PRSS23: variants seen among roughly 807,000 people sequenced by gnomAD.
PRSS23 encodes protease, serine 23.
A neutral mutation model predicts 34.7 loss-of-function variants in PRSS23; 25 were observed. That is an observed-to-expected ratio of 0.72 (90% confidence interval 0.53 to 1.01). The LOEUF is 1.01. Ranked by LOEUF, PRSS23 falls within the 50% of genes least tolerant of loss-of-function variation. The pLI, the probability that PRSS23 is intolerant of heterozygous loss-of-function variation, is 0.00. For synonymous variants in PRSS23, 176 were observed against 186.6 expected, an observed-to-expected ratio of 0.94 and a Z score of 0.46; for missense variants, 445 against 475.6, an observed-to-expected ratio of 0.94 and a Z score of 0.60.
Position 86,792,791 on chromosome 11 carries a change from C to CA in PRSS23, c.-14+1605dup, listed in dbSNP as rs368242812. Among the ~76,000 whole-genome samples, 546 of 149,602 alleles carry CA rather than the reference C, an allele frequency of 3.6e-3. 4 individuals carry two copies. Among genetic ancestry groups the CA allele is most frequent in the Middle Eastern group, 0.024 (7 of 290 alleles). ...TCAGATATGAACAAAGACAGCAAGG[C>CA]AAAAAAAAAGCACAGAGCACATCTT... On this transcript the variant is annotated intron_variant, in intron 1 of 1. Transcript: ENST00000527521.
intron 1 of PRSS23, chr11:86,821,455 A>G (rs368941535): frequency 6.3e-7 from 1 of 1,590,860 alleles, no homozygotes. Context: ...TGTGTCTGGT[A>G]TAGGCTATAG....
chr11:86,896,747 A>G (rs1436969124), intron 2 of PRSS23, among the ~76,000 whole-genome samples: 1 of 152,248 alleles, frequency 6.6e-6, no homozygotes, highest in Non-Finnish European at 1.5e-5. Context: ...CTTGGATCAA[A>G]TTCATCTTCC....
chr11:86,850,315 A>T (rs1565365620), intron 2 of PRSS23, among the ~76,000 whole-genome samples: 1 of 152,150 alleles, frequency 6.6e-6, no homozygotes, highest in Non-Finnish European at 1.5e-5. Flanking sequence ...GGAGGACACC[A>T]CAACTGCAGG....
chr11:86,820,409 G>A (rs1449617855), intron 1 of PRSS23, among the ~76,000 whole-genome samples: 1 of 152,136 alleles, frequency 6.6e-6, no homozygotes, highest in East Asian at 1.9e-4. Flanking sequence ...AGTAGTTTGA[G>A]GATAAGGTTA....
intron 2 of PRSS23, among the ~76,000 whole-genome samples, chr11:86,914,713 G>A (rs921519874): frequency 2.0e-5 from 3 of 152,130 alleles, no homozygotes; most frequent in Admixed American, 2.0e-4. Context: ...TGTAATCATT[G>A]CACATATAAA....
chr11:86,936,186 T>C (rs1949160893), intron 2 of PRSS23: 1 of 152,250 alleles, frequency 6.6e-6, no homozygotes, highest in Admixed American at 6.5e-5. Flanking sequence ...CTGGCAGGAC[T>C]TGGGGGCTCT....
chr11:86,925,271 A>G (rs1269594973), intron 2 of PRSS23, among the ~76,000 whole-genome samples: 1 of 151,006 alleles, frequency 6.6e-6, no homozygotes, highest in African/African-American at 2.4e-5. Context: ...TGAAAACTGC[A>G]TTGAAAATTA....
chr11:86,890,070 C>T (rs1235649999), intron 2 of PRSS23, among the ~76,000 whole-genome samples: 3 of 151,892 alleles, frequency 2.0e-5, no homozygotes, highest in Non-Finnish European at 4.4e-5. Context: ...GAGTTCGAGA[C>T]CAGCCTGGCC....
intron 1 of PRSS23, among the ~76,000 whole-genome samples, chr11:86,801,030 A>G (rs983792420): frequency 1.3e-5 from 2 of 151,954 alleles, no homozygotes; most frequent in Non-Finnish European, 2.9e-5. Context: ...CACCACCACT[A>G]CTTCTTTTCC....
chr11:86,887,080 A>T (rs1052022830), intron 2 of PRSS23, among the ~76,000 whole-genome samples: 6 of 152,256 alleles, frequency 3.9e-5, no homozygotes, highest in Admixed American at 3.9e-4. Flanking sequence ...AAGAAATTGG[A>T]CTTTAAGGAG....
intron 2 of PRSS23, among the ~76,000 whole-genome samples, chr11:86,932,008 T>C (rs769344166): frequency 6.6e-5 from 10 of 152,282 alleles, no homozygotes; most frequent in Admixed American, 4.6e-4. Flanking sequence ...CTGTGAATCT[T>C]TGTGCAAAAG....
In PRSS23 at chr11:86,808,429, G is replaced by A; in HGVS notation, c.786G>A (p.Lys262=). The A allele has an allele frequency of 6.2e-7, 1 of 1,614,224 alleles. No homozygotes were observed. The highest frequency in any genetic ancestry group is 8.5e-7 in the Non-Finnish European group (1 of 1,180,046). ...AGCCCCACAAGAGAAAATTTATGAAGATTGGGGTGAGCCCTCCTGCTAAGC... is the reference window on the plus strand; with the variant it reads ...AGCCCCACAAGAGAAAATTTATGAAAATTGGGGTGAGCCCTCCTGCTAAGC... ...LKKPHKRKFM[K]IGVSPPAKQL... The change falls in exon 2 of 2, where the codon AAG becomes AAA. Residue 262 remains lysine, a synonymous_variant. Transcript: ENST00000280258.
intron 2 of PRSS23, among the ~76,000 whole-genome samples, chr11:86,877,758 G>A (rs1192110697): frequency 6.6e-6 from 1 of 151,578 alleles, no homozygotes; most frequent in Non-Finnish European, 1.5e-5. Flanking sequence ...AAATCAGGAA[G>A]TGTGAACTCT....
At chr11:86,870,339 T>C (rs1590904252) in intron 2 of PRSS23, among the ~76,000 whole-genome samples, 1 of 152,254 alleles carries the variant, frequency 6.6e-6, no homozygotes, top group East Asian at 1.9e-4. Context: ...TCGTATTTAT[T>C]GGATGGTTGG....
intron 1 of PRSS23, chr11:86,823,287 G>C (rs1948267404): frequency 1.5e-6 from 1 of 666,392 alleles, no homozygotes; most frequent in Non-Finnish European, 2.7e-6. Context: ...CAGATGAAGA[G>C]ACTGACGGTC....
At chr11:86,864,187 C>G (rs12577237) in intron 2 of PRSS23, among the ~76,000 whole-genome samples, 18,298 of 152,098 alleles carry the variant, frequency 0.12, 1,228 homozygotes, top group East Asian at 0.16. Flanking sequence ...ATTACACACA[C>G]TGTATAGCCC....
intron 2 of PRSS23, among the ~76,000 whole-genome samples, chr11:86,840,991 G>T (rs1188911437): frequency 2.6e-5 from 4 of 152,174 alleles, no homozygotes; most frequent in African/African-American, 9.6e-5. Context: ...AGCACTAAAT[G>T]CCCACAAGAG....
At chr11:86,822,598 G>A (rs914507231) in intron 1 of PRSS23, among the ~76,000 whole-genome samples, 1 of 150,084 alleles carries the variant, frequency 6.7e-6, no homozygotes, top group Non-Finnish European at 1.5e-5. Flanking sequence ...TTCAGCCTGG[G>A]CGACAAGAGT....
At chr11:86,894,577 T>G (rs113937855) in intron 2 of PRSS23, among the ~76,000 whole-genome samples, 12 of 152,264 alleles carry the variant, frequency 7.9e-5, no homozygotes, top group African/African-American at 2.9e-4. Context: ...CCTTCCATCT[T>G]ATTGCTTCTC....
Sources: gnomAD v4.1 joint callset for allele counts (sites outside exome capture counted in the v4.1 genomes callset) on GRCh38, gnomAD v4.1.1 for gene constraint, MANE v1.5 for transcripts, NCBI Gene and HGNC (gene_info 2026-07-23, HGNC 2026-07-21) for gene names.